MSRA: variants seen among roughly 807,000 people sequenced by gnomAD.
MSRA encodes mitochondrial peptide methionine sulfoxide reductase.
MSRA carries 54 observed loss-of-function variants against 31.3 expected under a neutral mutation model. That is an observed-to-expected ratio of 1.73 (90% CI 1.39 to 2.17). The LOEUF is 2.17. MSRA is among the 30% of genes most tolerant of loss of function. The pLI is 0.00. For missense variants in MSRA, 507 were observed against 300.9 expected (o/e 1.69, Z -5.07); for synonymous variants, 169 against 116.5 (o/e 1.45, Z -2.90).
intron 3 of MSRA, among the ~76,000 whole-genome samples, chr8:10,296,751 T>A (rs948207988): frequency 2.0e-5 from 3 of 152,180 alleles, no homozygotes; most frequent in African/African-American, 7.2e-5. Context: ...AGGAAAGGCA[T>A]GGCTCATTTG....
chr8:10,322,632 G>A (rs942668654), intron 5 of MSRA, among the ~76,000 whole-genome samples: 89 of 152,266 alleles, frequency 5.8e-4, no homozygotes, highest in African/African-American at 2.1e-3. Flanking sequence ...CTTGCAGGGA[G>A]GATTGTTAGG....
chr8:10,137,612 T>G (rs1453782304), intron 1 of MSRA, among the ~76,000 whole-genome samples: 2 of 152,192 alleles, frequency 1.3e-5, no homozygotes, highest in Non-Finnish European at 2.9e-5. Context: ...GCAGCTAAAA[T>G]AGCGAATGCT....
At chr8:10,401,278 G>T (rs544945459) in intron 5 of MSRA, among the ~76,000 whole-genome samples, 13 of 152,310 alleles carry the variant, frequency 8.5e-5, no homozygotes, top group Admixed American at 2.6e-4. Context: ...AAGCAGAAAT[G>T]CAAATGCTTA....
At chr8:10,376,087 C>G (rs1452911943) in intron 5 of MSRA, among the ~76,000 whole-genome samples, 1 of 152,112 alleles carries the variant, frequency 6.6e-6, no homozygotes, top group African/African-American at 2.4e-5. Flanking sequence ...TCAGCCTTCT[C>G]TTAGCAAATT....
intron 3 of MSRA, among the ~76,000 whole-genome samples, chr8:10,280,445 T>C (rs1799561301): frequency 6.6e-6 from 1 of 152,242 alleles, no homozygotes; most frequent in Non-Finnish European, 1.5e-5. Flanking sequence ...ATTTTAAAGA[T>C]TTTAACATTG....
At chr8:10,101,851 G>A (rs1169136403) in intron 1 of MSRA, among the ~76,000 whole-genome samples, 1 of 152,186 alleles carries the variant, frequency 6.6e-6, no homozygotes, top group African/African-American at 2.4e-5. Context: ...ATGAACATGA[G>A]TGCACAGATA....
chr8:10,397,391 G>T (rs970964600), intron 5 of MSRA, among the ~76,000 whole-genome samples: 2 of 152,202 alleles, frequency 1.3e-5, no homozygotes, highest in African/African-American at 4.8e-5. Context: ...GAATGAACCT[G>T]TTATCCTGCA....
intron 1 of MSRA, among the ~76,000 whole-genome samples, chr8:10,107,019 T>G (rs1799932360): frequency 6.6e-6 from 1 of 151,988 alleles, no homozygotes; most frequent in Non-Finnish European, 1.5e-5. Context: ...AGTCTCTGAG[T>G]CCCTCAGTGC....
chr8:10,301,580 A>G lies in MSRA; in HGVS notation c.378A>G (p.Glu126=), dbSNP rs1166842893. 6 of 1,614,186 alleles carry G rather than the reference A, an allele frequency of 3.7e-6. No individual in the cohort carries two copies. The highest frequency in any genetic ancestry group is 2.2e-5 in the East Asian group (1 of 44,872). Residue 126 remains glutamate (E), a synonymous_variant, in exon 4 of 6, where the codon GAA becomes GAG. Transcript: ENST00000317173. Reference sequence around the variant, plus strand: ...TCGTCCGAGTGGTGTACCAGCCAGAACACATGAGTTTTGAGGAACTGCTCA... The same window carrying G: ...TCGTCCGAGTGGTGTACCAGCCAGAGCACATGAGTTTTGAGGAACTGCTCA... ...AEVVRVVYQP[E]HMSFEELLKV...
At chr8:10,120,682 G>A (rs1353264870) in intron 1 of MSRA, among the ~76,000 whole-genome samples, 1 of 152,216 alleles carries the variant, frequency 6.6e-6, no homozygotes, top group Non-Finnish European at 1.5e-5. Flanking sequence ...AGATGATCAT[G>A]TAAACAAATC....
At chr8:10,249,929 T>G (rs1310769497) in intron 3 of MSRA, among the ~76,000 whole-genome samples, 2 of 152,152 alleles carry the variant, frequency 1.3e-5, no homozygotes, top group Non-Finnish European at 2.9e-5. Flanking sequence ...TTGAATAAAT[T>G]AAATATGCCA....
chr8:10,392,680 C>CTT (rs55916396), intron 5 of MSRA, among the ~76,000 whole-genome samples: 2 of 143,412 alleles, frequency 1.4e-5, no homozygotes, highest in African/African-American at 5.1e-5. Flanking sequence ...CCTCTCGGCC[C>CTT]TTTTTTTTTT....
At chr8:10,181,138 G>A (rs1308321365) in intron 1 of MSRA, among the ~76,000 whole-genome samples, 1 of 152,104 alleles carries the variant, frequency 6.6e-6, no homozygotes, top group African/African-American at 2.4e-5. Context: ...TGGGAGGAGG[G>A]GACAGAACAT....
chr8:10,243,872 T>C (rs1797469243), intron 2 of MSRA, among the ~76,000 whole-genome samples: 1 of 152,214 alleles, frequency 6.6e-6, no homozygotes, highest in Non-Finnish European at 1.5e-5. Flanking sequence ...AAAATAATTT[T>C]TTACTGCATT....
At chr8:10,376,503 C>G (rs1805763845) in intron 5 of MSRA, among the ~76,000 whole-genome samples, 1 of 152,180 alleles carries the variant, frequency 6.6e-6, no homozygotes, top group Admixed American at 6.5e-5. Flanking sequence ...CTCAGTTTCC[C>G]AATCTCTACA....
At chr8:10,322,854 G>A (rs1269669199) in intron 5 of MSRA, among the ~76,000 whole-genome samples, 1 of 152,178 alleles carries the variant, frequency 6.6e-6, no homozygotes. Context: ...CACTTTGGGA[G>A]GCTGAAGTGG....
intron 1 of MSRA, among the ~76,000 whole-genome samples, chr8:10,144,688 T>G (rs1053162228): frequency 1.3e-5 from 2 of 151,420 alleles, no homozygotes; most frequent in Admixed American, 1.3e-4. Context: ...CTAAATTAAT[T>G]CTGCAGCATC....
chr8:10,220,831 A>G (rs1039895932), intron 2 of MSRA, among the ~76,000 whole-genome samples: 1 of 152,166 alleles, frequency 6.6e-6, no homozygotes, highest in African/African-American at 2.4e-5. Flanking sequence ...GGAAGCATGG[A>G]AGAGTTTTGA....
At chr8:10,075,934 C>G (rs1208878793) in intron 1 of MSRA, among the ~76,000 whole-genome samples, 1 of 152,188 alleles carries the variant, frequency 6.6e-6, no homozygotes, top group African/African-American at 2.4e-5. Flanking sequence ...TTACCTCTCT[C>G]CACAGGACCT....
Sources: allele counts gnomAD v4.1 joint callset (sites outside exome capture counted in the v4.1 genomes callset), GRCh38; gene constraint gnomAD v4.1.1; transcripts MANE v1.5; gene names NCBI Gene and HGNC (gene_info 2026-07-23, HGNC 2026-07-21).